Variants in MYO18A observed in about 807,000 individuals in gnomAD.
MYO18A encodes unconventional myosin-XVIIIa.
Under a neutral mutation model 235.8 loss-of-function variants are expected in MYO18A, and 78 were observed. That is an observed-to-expected ratio of 0.33 (90% confidence interval 0.28 to 0.40). The LOEUF (loss-of-function observed/expected upper bound fraction) is 0.40. Among genes scored for constraint, MYO18A ranks in the 10% least tolerant of loss-of-function variants. The pLI is 1.00. For synonymous variants in MYO18A, 977 were observed against 1,077.8 expected (o/e 0.91, Z 1.83); for missense variants, 2,215 against 2,699.3 (o/e 0.82, Z 3.98).
chr17:29,092,239 A>G, intron 34 of MYO18A, 104 bp downstream of exon 34: 1 of 792,674 alleles, frequency 1.3e-6, no homozygotes, highest in South Asian at 1.6e-5. Flanking sequence ...GACCTGTCAC[A>G]AGTCCTGACG....
At chr17:29,083,532 G>A (rs546087459) in intron 40 of MYO18A, among the ~76,000 whole-genome samples, 59,332 of 144,030 alleles carry the variant, frequency 0.41, 13,631 homozygotes, top group East Asian at 0.84. Flanking sequence ...GCGCGCGCGC[G>A]CACACACACA....
intron 2 of MYO18A, chr17:29,128,413 A>C (rs1341855604): frequency 7.8e-7 from 1 of 1,289,080 alleles, no homozygotes; most frequent in Non-Finnish European, 1.0e-6. Flanking sequence ...CTGCTGTGGC[A>C]GCTCCCGGGC....
At chr17:29,128,477 G>T (rs1361881558) in intron 2 of MYO18A, 1 of 1,288,698 alleles carries the variant, frequency 7.8e-7, no homozygotes, top group Admixed American at 2.3e-5. Flanking sequence ...AGTCTCTGGG[G>T]GTATCGGGCT....
chr17:29,105,171 CAAAAAAAAAAAAAA>C (rs58344909), intron 20 of MYO18A, among the ~76,000 whole-genome samples: 1 of 35,806 alleles, frequency 2.8e-5, no homozygotes, highest in Non-Finnish European at 5.9e-5. Flanking sequence ...GACTCTGTCT[CAAAAAAAAAAAAAA>C]AAAAAAAAAA....
intron 2 of MYO18A, among the ~76,000 whole-genome samples, chr17:29,136,749 C>G (rs72817635): frequency 0.015 from 2,319 of 152,346 alleles, 36 homozygotes; most frequent in Non-Finnish European, 0.025. Flanking sequence ...CAGTGCCCAC[C>G]TTTTCTGGTA....
Position 29,125,885 on chromosome 17 carries a change from G to A in MYO18A, c.1000-3632C>T. The A allele has an allele frequency of 1.0e-6, 1 of 985,612 alleles. No homozygotes were observed. Among genetic ancestry groups the A allele is most frequent in the Non-Finnish European group, 1.2e-6 (1 of 829,676 alleles). 61.1% of individuals were successfully genotyped at this position (985,612 alleles called of 1,614,324 possible). Reference sequence around the variant, plus strand: ...GGGACTGGGACCCACACACAAGAGTGGCATTACAGAAGCTGTGAAGATCCT... The same window carrying A: ...GGGACTGGGACCCACACACAAGAGTAGCATTACAGAAGCTGTGAAGATCCT... On this transcript the variant is annotated intron_variant, in intron 2 of 41. Transcript: ENST00000527372. This position sits in a 1 kb window ranked among gnomAD's most constrained non-coding sequence, Gnocchi z 5.1.
chr17:29,073,655 A>C lies in MYO18A; in HGVS notation c.*1115T>G, dbSNP rs112432696. The C allele has an allele frequency of 9.8e-5, 57 of 582,716 alleles. No individual in the cohort carries two copies. The highest frequency in any genetic ancestry group is 1.6e-4 in the Non-Finnish European group (53 of 337,018). The allele number at this position is 582,716 out of a possible 1,614,324, so 36.1% of individuals were successfully genotyped here. On this transcript the variant is annotated 3_prime_UTR_variant, in exon 42 of 42. Transcript: ENST00000527372. ...ACCAGGCACTGCACTTGGGCTCCCA[A>C]GTCTGGTGGAGTTCTCAGGGATAAC...
chr17:29,127,909 C>T, intron 2 of MYO18A: 1 of 994,172 alleles, frequency 1.0e-6, no homozygotes, highest in Non-Finnish European at 1.2e-6. Context: ...TGAGGTCTGA[C>T]TTCGGGCCGG....
At chr17:29,085,563 C>A in intron 40 of MYO18A, 41 bp downstream of exon 40, 1 of 1,607,016 alleles carries the variant, frequency 6.2e-7, no homozygotes, top group Non-Finnish European at 8.5e-7. Context: ...GGTTAGACAC[C>A]CGCGAGGACA....
At position 29,125,813 on chromosome 17, in the gene MYO18A, C is replaced by G; in HGVS notation, c.1000-3560G>C. On this transcript the variant is annotated intron_variant, in intron 2 of 41. Transcript: ENST00000527372. The surrounding 1 kb of genome is among the most constrained non-coding windows in gnomAD (Gnocchi z 5.1). ...GCCATCTTCATGGTCAGCGCGCCTA[C>G]AGACACACACAGGGTCCTGCCGCCA... The G allele has an allele frequency of 6.7e-6, 5 of 744,406 alleles. No homozygotes were observed. The highest frequency in any genetic ancestry group is 8.2e-6 in the Non-Finnish European group (5 of 608,610). The allele number at this position is 744,406 out of a possible 1,614,324, so 46.1% of individuals were successfully genotyped here.
chr17:29,127,780 C>T (rs745947289), intron 2 of MYO18A: 16 of 900,544 alleles, frequency 1.8e-5, no homozygotes, highest in Non-Finnish European at 2.1e-5. Flanking sequence ...TTGGGGAAGC[C>T]GGCTGTGAGG....
chr17:29,100,588 A>G (rs138447452), intron 21 of MYO18A, among the ~76,000 whole-genome samples: 198 of 152,318 alleles, frequency 1.3e-3, no homozygotes, highest in Non-Finnish European at 2.3e-3. Flanking sequence ...AATTTGCCAC[A>G]CGCCACAAAG....
At chr17:29,128,374 C>A in intron 2 of MYO18A, 2 of 1,286,140 alleles carry the variant, frequency 1.6e-6, no homozygotes, top group Non-Finnish European at 2.0e-6. Flanking sequence ...GCTTCCGGGA[C>A]AGGCCCTGGG....
chr17:29,131,188 G>T (rs1778447928), intron 2 of MYO18A, among the ~76,000 whole-genome samples: 1 of 152,164 alleles, frequency 6.6e-6, no homozygotes, highest in Admixed American at 6.5e-5. Context: ...CCCTTTACTA[G>T]AATTCTCTTC....
rs1413182283 is a variant in MYO18A at position 29,117,709 on chromosome 17, C to T, written c.2038+336G>A. ...AGTTACCCGCTTGCTCCTCGGGGGC[C>T]TCTGTCAGGAAGGGAACAAGAAGGA... On this transcript the variant is annotated intron_variant, in intron 10 of 41. Transcript: ENST00000527372. The surrounding 1 kb of genome is among the most constrained non-coding windows in gnomAD (Gnocchi z 4.6). Among the ~76,000 whole-genome samples, 1 of 152,184 alleles carries T rather than the reference C, an allele frequency of 6.6e-6. No individual in the cohort carries two copies. Among genetic ancestry groups the T allele is most frequent in the Non-Finnish European group, 1.5e-5 (1 of 68,024 alleles).
chr17:29,151,948 G>A (rs947450934), intron 2 of MYO18A, among the ~76,000 whole-genome samples: 1 of 152,196 alleles, frequency 6.6e-6, no homozygotes, highest in Non-Finnish European at 1.5e-5. Context: ...GTAGGAAGGG[G>A]AGGACACGGT....
At chr17:29,160,100 C>G (rs1301573423) in intron 2 of MYO18A, among the ~76,000 whole-genome samples, 3 of 152,184 alleles carry the variant, frequency 2.0e-5, no homozygotes, top group African/African-American at 7.2e-5. Flanking sequence ...AGACTGGGCA[C>G]AGGGAAGGGA....
At chr17:29,146,426 G>T (rs1453741716) in intron 2 of MYO18A, among the ~76,000 whole-genome samples, 1 of 152,154 alleles carries the variant, frequency 6.6e-6, no homozygotes, top group African/African-American at 2.4e-5. Context: ...GTGCTGTAGT[G>T]GACATGTGTT....
At chr17:29,122,071 CT>C (rs1225403008) in intron 3 of MYO18A, 94 bp downstream of exon 3, 2 of 1,520,160 alleles carry the variant, frequency 1.3e-6, no homozygotes, top group African/African-American at 2.7e-5. Flanking sequence ...TCCTTGCTCA[CT>C]GCTCAGCCCT....
Sources: gnomAD v4.1 joint callset for allele counts (sites outside exome capture counted in the v4.1 genomes callset) on GRCh38, gnomAD v4.1.1 for gene constraint, Gnocchi (gnomAD v3.1) non-coding constraint, MANE v1.5 for transcripts, NCBI Gene and HGNC (gene_info 2026-07-23, HGNC 2026-07-21) for gene names.